Variants in INSL6 observed in about 807,000 individuals in gnomAD.
INSL6 encodes insulin like 6.
A neutral mutation model predicts 9.4 loss-of-function variants in INSL6; 16 were observed. That is an observed-to-expected ratio of 1.70 (90% confidence interval 1.15 to 2.59). The LOEUF (loss-of-function observed/expected upper bound fraction) is 2.59. Ranked by LOEUF, INSL6 falls within the 30% of genes most tolerant of loss-of-function variation. INSL6 has a pLI of 0.00. For synonymous variants in INSL6, 154 were observed against 96.9 expected (o/e 1.59, Z -3.46); for missense variants, 391 against 257.3 (o/e 1.52, Z -3.56).
At chr9:5,041,729 G>A in the INSL6 span, 2 of 495,338 alleles carry the variant, frequency 4.0e-6, no homozygotes, top group Non-Finnish European at 8.0e-6. Flanking sequence ...GGCTCGGGAA[G>A]CCCTTGGCGA....
At chr9:5,156,045 A>G (rs1824809571) in intron 2 of INSL6, among the ~76,000 whole-genome samples, 1 of 152,192 alleles carries the variant, frequency 6.6e-6, no homozygotes. Context: ...TACAGATCCT[A>G]TAGACATTTA....
the INSL6 span, among the ~76,000 whole-genome samples, chr9:5,040,456 C>G: frequency 6.6e-6 from 1 of 152,174 alleles, no homozygotes; most frequent in Non-Finnish European, 1.5e-5. Context: ...TTAAGTTAGG[C>G]TTTATCAAAG....
At chr9:5,062,775 A>G in the INSL6 span, among the ~76,000 whole-genome samples, 19 of 152,154 alleles carry the variant, frequency 1.2e-4, no homozygotes, top group Non-Finnish European at 1.5e-4. Context: ...CAATGGGCAA[A>G]ATAATGCTGT....
intron 1 of INSL6, among the ~76,000 whole-genome samples, chr9:5,176,097 T>C (rs1221548147): frequency 6.6e-6 from 1 of 152,138 alleles, no homozygotes. Context: ...CCTTATCTTC[T>C]ACTACTTTCC....
chr9:5,149,945 T>C (rs1357741174), intron 2 of INSL6, among the ~76,000 whole-genome samples: 3 of 152,158 alleles, frequency 2.0e-5, no homozygotes, highest in Non-Finnish European at 2.9e-5. Flanking sequence ...TAAAGCCACA[T>C]ACCTACAGCC....
At chr9:5,038,601 T>G in the INSL6 span, among the ~76,000 whole-genome samples, 411 of 149,482 alleles carry the variant, frequency 2.7e-3, 1 homozygote, top group Middle Eastern at 3.5e-3. Flanking sequence ...TTTAGATTTT[T>G]TTTTTTTTTT....
chr9:5,111,029 T>G, the INSL6 span: 1 of 861,740 alleles, frequency 1.2e-6, no homozygotes, highest in Non-Finnish European at 1.8e-6. Flanking sequence ...CCCGCCTCCC[T>G]GGCCGGGGCG....
chr9:5,149,435 T>C (rs1357950119), intron 2 of INSL6, among the ~76,000 whole-genome samples: 1 of 152,194 alleles, frequency 6.6e-6, no homozygotes, highest in African/African-American at 2.4e-5. Flanking sequence ...CTCAGCAGCA[T>C]TTCTATACAC....
intron 2 of INSL6, among the ~76,000 whole-genome samples, chr9:5,152,251 A>G (rs993168195): frequency 7.2e-5 from 11 of 152,214 alleles, no homozygotes; most frequent in Admixed American, 6.5e-4. Flanking sequence ...CATCTACAGA[A>G]TATTCCATCA....
the INSL6 span, chr9:5,041,154 G>T: frequency 5.2e-6 from 6 of 1,144,336 alleles, no homozygotes; most frequent in Non-Finnish European, 6.4e-6. Flanking sequence ...CTGATCACGC[G>T]CATGGATTAT....
chr9:5,043,442 AAACAAT>A, the INSL6 span, among the ~76,000 whole-genome samples: 1 of 152,250 alleles, frequency 6.6e-6, no homozygotes, highest in Non-Finnish European at 1.5e-5. Flanking sequence ...TCAGAAAGAC[AAACAAT>A]AACAAGTGTT....
At chr9:4,995,068 T>C in the INSL6 span, among the ~76,000 whole-genome samples, 1 of 152,218 alleles carries the variant, frequency 6.6e-6, no homozygotes, top group Non-Finnish European at 1.5e-5. Flanking sequence ...GTTATGCTTT[T>C]CTACACCTTT....
At position 5,185,498 on chromosome 9, in the gene INSL6, C is replaced by T. The variant is rs374288687; in HGVS notation, c.105G>A (p.Arg35=). The change falls in exon 1 of 2, where the codon AGG becomes AGA. Residue 35 remains arginine, a synonymous_variant. Coordinates refer to ENST00000381641, the MANE Select transcript of INSL6 (RefSeq NM_007179.3). ...GTTTTTCTATTTCTTTCACCAAGTA[C>T]CTGCCGCACAGCTTCCTGGCACTGC... The part of the protein sequence containing the change: ...DISSARKLCG[R]YLVKEIEKLC... 253 of 1,614,094 alleles carry T rather than the reference C, an allele frequency of 1.6e-4. No individual in the cohort carries two copies. The highest frequency in any genetic ancestry group is 2.0e-4 in the Non-Finnish European group (240 of 1,180,050).
the INSL6 span, among the ~76,000 whole-genome samples, chr9:5,036,753 A>C: frequency 6.6e-6 from 1 of 152,234 alleles, no homozygotes; most frequent in African/African-American, 2.4e-5. Context: ...TAAAACCATA[A>C]AAACCCTAGA....
chr9:5,051,054 C>G, the INSL6 span, among the ~76,000 whole-genome samples: 1 of 152,122 alleles, frequency 6.6e-6, no homozygotes, highest in Non-Finnish European at 1.5e-5. Flanking sequence ...CCAAAATGCT[C>G]TAATGAGCAT....
the INSL6 span, chr9:5,114,421 A>G: frequency 2.0e-6 from 1 of 494,326 alleles, no homozygotes; most frequent in South Asian, 1.8e-5. Context: ...ATCAAGGGGG[A>G]GACCTACCAG....
the INSL6 span, among the ~76,000 whole-genome samples, chr9:5,101,486 A>T: frequency 6.6e-6 from 1 of 152,266 alleles, no homozygotes; most frequent in African/African-American, 2.4e-5. Flanking sequence ...AAACTTCTGC[A>T]GACTTAAACG....
chr9:5,082,011 T>G, the INSL6 span: 2 of 665,192 alleles, frequency 3.0e-6, no homozygotes, highest in South Asian at 4.1e-5. Flanking sequence ...AATGCTGTGT[T>G]AAATAAACAG....
chr9:5,010,874 A>G, the INSL6 span, among the ~76,000 whole-genome samples: 2 of 152,182 alleles, frequency 1.3e-5, no homozygotes, highest in Non-Finnish European at 2.9e-5. Context: ...TTATAATACA[A>G]CAGATCCAGT....
Sources: allele counts gnomAD v4.1 joint callset (sites outside exome capture counted in the v4.1 genomes callset), GRCh38; gene constraint gnomAD v4.1.1; transcripts MANE v1.5; gene names NCBI Gene and HGNC (gene_info 2026-07-23, HGNC 2026-07-21).